CAST: variants seen among roughly 807,000 people sequenced by gnomAD.
CAST encodes the protein calpastatin, also known as MIR583 host.
Under a neutral mutation model 119.6 loss-of-function variants are expected in CAST, and 76 were observed. The ratio of observed to expected loss-of-function variants is 0.64; its 90% CI spans 0.53 to 0.77. The LOEUF (loss-of-function observed/expected upper bound fraction) is 0.77, where lower values mean the gene tolerates loss of function less well. CAST is among the 30% of genes least tolerant of loss of function. CAST has a pLI of 0.00. For missense variants in CAST, 953 were observed against 946.5 expected, an observed-to-expected ratio of 1.01 and a Z score of -0.09; for synonymous variants, 319 against 331.6, an observed-to-expected ratio of 0.96 and a Z score of 0.41.
chr5:96,617,582 G>A (rs898839433), intron 1 of CAST, among the ~76,000 whole-genome samples: 9 of 151,848 alleles, frequency 5.9e-5, no homozygotes, highest in Non-Finnish European at 8.8e-5. Flanking sequence ...AAGGTCAGGA[G>A]ATCGAGACCA....
chr5:96,087,472 C>T, the CAST span, among the ~76,000 whole-genome samples: 4 of 152,066 alleles, frequency 2.6e-5, no homozygotes, highest in Non-Finnish European at 4.4e-5. Flanking sequence ...TTTCCCTATA[C>T]CAGAAGTGCA....
the CAST span, among the ~76,000 whole-genome samples, chr5:96,387,430 C>T: frequency 6.6e-6 from 1 of 152,130 alleles, no homozygotes; most frequent in African/African-American, 2.4e-5. Flanking sequence ...GGGTTTGATC[C>T]ACCTCTGAGA....
the CAST span, among the ~76,000 whole-genome samples, chr5:96,099,466 A>G: frequency 2.6e-5 from 4 of 152,150 alleles, no homozygotes; most frequent in African/African-American, 9.7e-5. Flanking sequence ...TGGGTTTGTC[A>G]TATATGGATC....
chr5:95,972,670 T>G, the CAST span, among the ~76,000 whole-genome samples: 25 of 152,224 alleles, frequency 1.6e-4, no homozygotes, highest in Admixed American at 1.6e-3. Flanking sequence ...TTCTTTCTCT[T>G]AAAGTATCTT....
At chr5:96,528,755 C>T (rs1274319859), upstream of CAST, among the ~76,000 whole-genome samples, 1 of 152,180 alleles carries the variant, frequency 6.6e-6, no homozygotes, top group Non-Finnish European at 1.5e-5. Context: ...GTAAGGTTGG[C>T]ACAAGTGATT....
the CAST span, among the ~76,000 whole-genome samples, chr5:96,257,035 C>T: frequency 6.6e-6 from 1 of 152,184 alleles, no homozygotes; most frequent in South Asian, 2.1e-4. Context: ...CGCTGTGATT[C>T]ATTGTGAAGC....
chr5:96,328,205 G>A, the CAST span, among the ~76,000 whole-genome samples: 1 of 152,148 alleles, frequency 6.6e-6, no homozygotes, highest in Non-Finnish European at 1.5e-5. Flanking sequence ...AAAACTCATG[G>A]CATCTGTCAG....
Position 96,561,786 on chromosome 5 carries a change from G to GGTTTTTTTTTTTTTT in CAST, c.60+31906_60+31907insGTTTTTTTTTTTTTT, listed in dbSNP as rs1189100090. ...ATGTATATATGTGTATTATATATAT[G>GGTTTTTTTTTTTTTT]TTTTTTTTTGTTTTTTTTTTTTTTG... On this transcript the variant is annotated intron_variant, in intron 1 of 11. Coordinates refer to the CAST transcript ENST00000505143. Among the ~76,000 whole-genome samples, 84 of 105,430 alleles carry GGTTTTTTTTTTTTTT rather than the reference G, an allele frequency of 8.0e-4. 9 individuals carry two copies. Among genetic ancestry groups the GGTTTTTTTTTTTTTT allele is most frequent in the African/African-American group, 1.9e-3 (55 of 28,664 alleles). 69.2% of individuals were successfully genotyped at this position (105,430 alleles called of 152,430 possible).
At chr5:96,662,594 T>A in intron 1 of CAST, 97 bp downstream of exon 1, 2 of 1,283,010 alleles carry the variant, frequency 1.6e-6, no homozygotes, top group Non-Finnish European at 2.0e-6. Context: ...GGCTGGCGGG[T>A]CTGCAGTCCC....
At chr5:96,453,950 A>G in the CAST span, among the ~76,000 whole-genome samples, 5 of 152,250 alleles carry the variant, frequency 3.3e-5, no homozygotes, top group Non-Finnish European at 5.9e-5. Flanking sequence ...GACCAAAACA[A>G]CAACAATACA....
chr5:96,044,667 A>G, the CAST span, among the ~76,000 whole-genome samples: 336 of 152,306 alleles, frequency 2.2e-3, 1 homozygote, highest in African/African-American at 7.7e-3. Flanking sequence ...GAATATTCAT[A>G]GTAGCACCAT....
At chr5:96,393,484 A>G in the CAST span, 3 of 1,320,366 alleles carry the variant, frequency 2.3e-6, no homozygotes, top group Non-Finnish European at 3.2e-6. Context: ...CTTGAGAGGC[A>G]ATGAGGGGAG....
the CAST span, among the ~76,000 whole-genome samples, chr5:96,037,367 G>A: frequency 4.8e-3 from 734 of 152,250 alleles, 7 homozygotes; most frequent in African/African-American, 0.017. Context: ...TAGGCAAGCA[G>A]CAGAGTTACT....
At chr5:96,456,247 G>T in the CAST span, among the ~76,000 whole-genome samples, 1,845 of 152,296 alleles carry the variant, frequency 0.012, 26 homozygotes, top group Admixed American at 0.022. Context: ...AAATGTTTAT[G>T]TGAATTCTGC....
chr5:96,572,639 A>G (rs536694305), intron 1 of CAST, among the ~76,000 whole-genome samples: 1 of 152,222 alleles, frequency 6.6e-6, no homozygotes, highest in Non-Finnish European at 1.5e-5. Flanking sequence ...TGGACTTGGT[A>G]TCTCCTGGCC....
At chr5:96,581,791 T>C (rs969611627) in intron 1 of CAST, among the ~76,000 whole-genome samples, 4 of 152,114 alleles carry the variant, frequency 2.6e-5, no homozygotes, top group African/African-American at 9.7e-5. Context: ...CTCAGGAGGC[T>C]GAGGCAGGAG....
the CAST span, among the ~76,000 whole-genome samples, chr5:96,129,176 G>C: frequency 6.6e-6 from 1 of 152,092 alleles, no homozygotes; most frequent in African/African-American, 2.4e-5. Flanking sequence ...TTAAAAGTCA[G>C]ATGCAATCTA....
chr5:96,357,810 G>A, the CAST span, among the ~76,000 whole-genome samples: 2 of 152,130 alleles, frequency 1.3e-5, no homozygotes, highest in Non-Finnish European at 2.9e-5. Flanking sequence ...TTGTTTCTCA[G>A]CCAGGCTTTG....
At chr5:96,563,132 A>G (rs1327986123) in intron 1 of CAST, among the ~76,000 whole-genome samples, 2 of 152,142 alleles carry the variant, frequency 1.3e-5, no homozygotes, top group Non-Finnish European at 2.9e-5. Context: ...ACCCCAGTTT[A>G]TTGCCATTAG....
Sources: allele counts gnomAD v4.1 joint callset (sites outside exome capture counted in the v4.1 genomes callset), GRCh38; gene constraint gnomAD v4.1.1; transcripts MANE v1.5; gene names NCBI Gene and HGNC (gene_info 2026-07-23, HGNC 2026-07-21).